Variants in FAM91A1 observed in about 807,000 individuals in gnomAD.
FAM91A1 encodes the protein family with sequence similarity 91 member A1.
A neutral mutation model predicts 113.5 loss-of-function variants in FAM91A1; 41 were observed. The ratio of observed to expected loss-of-function variants is 0.36; its 90% CI spans 0.28 to 0.47. FAM91A1 has a LOEUF of 0.47. Ranked by LOEUF, FAM91A1 falls within the 20% of genes least tolerant of loss-of-function variation. FAM91A1 has a pLI of 1.00. For synonymous variants in FAM91A1, 307 were observed against 347.9 expected, an observed-to-expected ratio of 0.88 and a Z score of 1.31; for missense variants, 696 against 1,001.2, an observed-to-expected ratio of 0.70 and a Z score of 4.11.
At position 123,785,731 on chromosome 8, in the gene FAM91A1, A is replaced by C; in HGVS notation, c.952A>C (p.Asn318His). The C allele has an allele frequency of 6.3e-7, 1 of 1,590,274 alleles. No homozygotes were observed. Among genetic ancestry groups the C allele is most frequent in the Non-Finnish European group, 8.5e-7 (1 of 1,171,496 alleles). Residue 318 changes from asparagine to histidine, a missense_variant, in exon 11 of 24, where the codon AAC (asparagine) becomes CAC (histidine). Transcript: ENST00000334705. The part of the protein sequence containing the change: ...HSSWKNVPSV[N>H]RLKSTLDPQK... ...ATCATGGAAGAATGTTCCATCCGTA[A>C]ACAGATTAAAGTAACTTAAATTTAT...
At chr8:123,782,459 A>G (rs1815148263) in intron 8 of FAM91A1, among the ~76,000 whole-genome samples, 1 of 152,236 alleles carries the variant, frequency 6.6e-6, no homozygotes, top group Non-Finnish European at 1.5e-5. Flanking sequence ...ATAAATATAA[A>G]TGGAGATCAG....
chr8:123,803,920 A>G (rs1183342006), intron 18 of FAM91A1, among the ~76,000 whole-genome samples: 4 of 152,186 alleles, frequency 2.6e-5, no homozygotes, highest in Admixed American at 2.6e-4. Context: ...TCAGTATTAA[A>G]TTTCTATTGT....
intron 16 of FAM91A1, 146 bp downstream of exon 16, chr8:123,798,384 C>T (rs760314155): frequency 2.3e-4 from 208 of 889,328 alleles, no homozygotes; most frequent in Admixed American, 4.5e-4. Flanking sequence ...ATGATATGTT[C>T]AATTTGTGGA....
intron 11 of FAM91A1, 115 bp downstream of exon 11, chr8:123,785,856 C>T (rs1291633410): frequency 3.1e-6 from 2 of 653,578 alleles, no homozygotes; most frequent in South Asian, 2.4e-5. Context: ...CTCTCTCTGT[C>T]ATCCAGGCTG....
Position 123,814,659 on chromosome 8 carries a change from G to C in FAM91A1, c.*1955G>C. 6.5e-6 allele frequency: 1 copy of C among 152,716 alleles called. No homozygotes were observed. The highest frequency in any genetic ancestry group is 1.5e-5 in the Non-Finnish European group (1 of 68,118). 9.5% of individuals were successfully genotyped at this position (152,716 alleles called of 1,614,324 possible). ...CCCTCTGGTTTCTTGTGTTGAATGA[G>C]GCAAGGGTAATCATCTGATTCCGAG... is the stretch of plus-strand genomic sequence containing the variant. On this transcript the variant is annotated 3_prime_UTR_variant, in exon 24 of 24. Transcript: ENST00000334705.
chr8:123,780,329 C>G, intron 7 of FAM91A1, 151 bp from the exon 8 acceptor site: 1 of 741,312 alleles, frequency 1.3e-6, no homozygotes, highest in East Asian at 2.9e-5. Flanking sequence ...GATTTAAAAA[C>G]TTTAATTCTT....
At chr8:123,787,871 T>C in intron 14 of FAM91A1, 121 bp downstream of exon 14, 3 of 688,928 alleles carry the variant, frequency 4.4e-6, no homozygotes, top group Non-Finnish European at 6.9e-6. Flanking sequence ...TGCTCGTTCC[T>C]ACCTCATTCC....
intron 18 of FAM91A1, among the ~76,000 whole-genome samples, chr8:123,800,137 A>AT (rs894120524): frequency 5.3e-5 from 8 of 150,650 alleles, no homozygotes; most frequent in Admixed American, 1.3e-4. Flanking sequence ...GATTTTTTTT[A>AT]TTTTTTTTTA....
chr8:123,787,687 A>C lies in FAM91A1; in HGVS notation c.1215A>C (p.Thr405=), dbSNP rs13249510. 1 of 1,612,696 alleles carries C rather than the reference A, an allele frequency of 6.2e-7. No individual in the cohort carries two copies. Among genetic ancestry groups the C allele is most frequent in the Non-Finnish European group, 8.5e-7 (1 of 1,179,506 alleles). Residue 405 remains threonine (T), a synonymous_variant, in exon 14 of 24, where the codon ACA becomes ACC. Transcript: ENST00000334705. ...AGAACTTGAAAAGTCATGCAGTCAC[A>C]ATGTTTGAAGTAGGCAAACTCTCAG... ...LSPNLKSHAV[T]MFEVGKLSDE... is the part of the protein sequence containing the mutation.
intron 11 of FAM91A1, chr8:123,786,000 T>C: frequency 2.3e-6 from 1 of 439,302 alleles, no homozygotes; most frequent in Non-Finnish European, 4.4e-6. Flanking sequence ...TGTGTTTCTG[T>C]TAGAGGTGGG....
chr8:123,814,756 T>C lies in FAM91A1; in HGVS notation c.*2052T>C, dbSNP rs891139866. 2.0e-5 allele frequency: 3 copies of C among 152,630 alleles called. No homozygotes were observed. The highest frequency in any genetic ancestry group is 4.8e-5 in the African/African-American group (2 of 41,446). The allele number at this position is 152,630 out of a possible 1,614,324, so 9.5% of individuals were successfully genotyped here. On this transcript the variant is annotated 3_prime_UTR_variant, in exon 24 of 24. Transcript: ENST00000334705. ...CTTTTAGCAAAATGTGAAAAGCTGA[T>C]GTTTGCGCCTTGCTTTGTGAATTTG... is the stretch of plus-strand genomic sequence containing the variant.
intron 19 of FAM91A1, 131 bp from the exon 20 acceptor site, chr8:123,805,948 CT>C: frequency 5.9e-6 from 5 of 847,592 alleles, no homozygotes; most frequent in Non-Finnish European, 6.5e-6. Context: ...TTATATATTT[CT>C]TTTTTGGAAT....
At chr8:123,785,336 A>G (rs1318156642) in intron 10 of FAM91A1, among the ~76,000 whole-genome samples, 1 of 152,194 alleles carries the variant, frequency 6.6e-6, no homozygotes, top group Admixed American at 6.5e-5. Flanking sequence ...AAAAGAGAGC[A>G]CTCATGCAAG....
Position 123,789,842 on chromosome 8 carries a change from G to C in FAM91A1, c.1411+97G>C, listed in dbSNP as rs183848051. The stretch of plus-strand genomic sequence containing the variant: ...GCTCACTTATATAATCATCACTTAC[G>C]TATTTTGTGTAGATAGCATATTGAA... On this transcript the variant is annotated intron_variant, in intron 15 of 23. Transcript: ENST00000334705. 15 of 1,372,554 alleles carry C rather than the reference G, an allele frequency of 1.1e-5. No homozygotes were observed. In the East Asian group the frequency reaches 2.2e-4, roughly 21 times the overall value. The allele number at this position is 1,372,554 out of a possible 1,614,324, so 85.0% of individuals were successfully genotyped here.
In FAM91A1 at chr8:123,799,969, T is replaced by C. The variant is rs537592206; in HGVS notation, c.1809+84T>C. On this transcript the variant is annotated intron_variant, in intron 18 of 23. Coordinates refer to ENST00000334705, the MANE Select transcript of FAM91A1 (RefSeq NM_144963.4). The stretch of plus-strand genomic sequence containing the variant: ...CTTTCTATATTGAGTTGCAATAAAA[T>C]GTCAGTCATTTGAAATTTATGAAGT... The C allele has an allele frequency of 1.0e-4, 110 of 1,098,650 alleles. 1 individual carries two copies. Among genetic ancestry groups the C allele is most frequent in the Admixed American group, 7.5e-4 (30 of 39,986 alleles). The allele number at this position is 1,098,650 out of a possible 1,614,324, so 68.1% of individuals were successfully genotyped here.
In FAM91A1 at chr8:123,787,381, C is replaced by A; in HGVS notation, c.1191+8C>A. ...ATGGGAAATCTTTCACCAGTAAGCCCAATTCTTGTTTAAATATGAAGGTGT... is the reference window on the plus strand; with the variant it reads ...ATGGGAAATCTTTCACCAGTAAGCCAAATTCTTGTTTAAATATGAAGGTGT... On this transcript the variant is annotated splice_region_variant and intron_variant, in intron 13 of 23. Coordinates refer to ENST00000334705, the MANE Select transcript of FAM91A1 (RefSeq NM_144963.4). The A allele has an allele frequency of 6.3e-7, 1 of 1,592,774 alleles. No individual in the cohort carries two copies. The highest frequency in any genetic ancestry group is 8.6e-7 in the Non-Finnish European group (1 of 1,163,064).
rs201633562 is a variant in FAM91A1, at chr8:123,774,138, A to G, written c.131A>G (p.Asn44Ser). ...CAGGTTGTCCTGTACAGTATCCGCA[A>G]TCAGTTACGATATAGAAATAACTTA... is the stretch of plus-strand genomic sequence containing the variant. The part of the protein sequence containing the change: ...EKQVVLYSIR[N>S]QLRYRNNLVK... Residue 44 changes from asparagine to serine, a missense_variant, in exon 2 of 24, where the codon AAT becomes AGT. By Grantham distance (46) the Asn-to-Ser change is conservative. Transcript: ENST00000334705. 6.2e-7 allele frequency: 1 copy of G among 1,608,412 alleles called. No individual in the cohort carries two copies. The highest frequency in any genetic ancestry group is 2.2e-5 in the East Asian group (1 of 44,598).
intron 15 of FAM91A1, among the ~76,000 whole-genome samples, chr8:123,790,251 A>T (rs568621185): frequency 3.4e-4 from 52 of 152,362 alleles, no homozygotes; most frequent in African/African-American, 1.2e-3. Context: ...GGTATTGATG[A>T]ACTTTAATGG....
chr8:123,778,356 C>T (rs879427299), intron 5 of FAM91A1, among the ~76,000 whole-genome samples: 4 of 152,074 alleles, frequency 2.6e-5, no homozygotes, highest in Non-Finnish European at 4.4e-5. Flanking sequence ...GTACAGTTCA[C>T]TTAGTGGGTG....
Sources: allele counts gnomAD v4.1 joint callset (sites outside exome capture counted in the v4.1 genomes callset), GRCh38; gene constraint gnomAD v4.1.1; transcripts MANE v1.5; gene names NCBI Gene and HGNC (gene_info 2026-07-23, HGNC 2026-07-21).